Variants in ANKRD31 observed in about 807,000 individuals in gnomAD.
The protein encoded by ANKRD31 is ankyrin repeat domain-containing protein 31.
Under a neutral mutation model 186.0 loss-of-function variants are expected in ANKRD31, and 147 were observed. The observed-to-expected ratio is 0.79, with a 90% CI of 0.69 to 0.91. ANKRD31 has a LOEUF of 0.91. Ranked by LOEUF, ANKRD31 falls within the 40% of genes least tolerant of loss-of-function variation. The probability of loss-of-function intolerance (pLI) is 0.00; values close to 1 mark genes in which losing one functional copy is unlikely to be tolerated. For synonymous variants in ANKRD31, 673 were observed against 736.4 expected (o/e 0.91, Z 1.39); for missense variants, 1,986 against 2,148.8 (o/e 0.92, Z 1.50).
At chr5:75,073,703 C>T (rs1165417724) in intron 25 of ANKRD31, among the ~76,000 whole-genome samples, 3 of 152,084 alleles carry the variant, frequency 2.0e-5, no homozygotes, top group African/African-American at 7.2e-5. Flanking sequence ...GAGAAAATAC[C>T]ACATAATGTG....
chr5:75,175,391 T>A (rs1238195934), intron 10 of ANKRD31, among the ~76,000 whole-genome samples: 1 of 151,976 alleles, frequency 6.6e-6, no homozygotes, highest in Admixed American at 6.6e-5. Flanking sequence ...AAAAAAAGAA[T>A]AGACTCCTCA....
intron 5 of ANKRD31, among the ~76,000 whole-genome samples, chr5:75,202,597 T>G (rs1755891930): frequency 6.6e-6 from 1 of 152,262 alleles, no homozygotes; most frequent in Non-Finnish European, 1.5e-5. Flanking sequence ...ACAGGTGTTT[T>G]AAGGCCAAAG....
At chr5:75,160,692 C>A (rs1752514535) in intron 11 of ANKRD31, among the ~76,000 whole-genome samples, 1 of 152,112 alleles carries the variant, frequency 6.6e-6, no homozygotes, top group South Asian at 2.1e-4. Context: ...GGCTCTGTGT[C>A]CCCACTCAAA....
rs965083632 is a variant in ANKRD31 at position 75,158,114 on chromosome 5, TAGAGA to T, written c.1708-3774_1708-3770del. Among the ~76,000 whole-genome samples the T allele has an allele frequency of 7.9e-4, 120 of 152,242 alleles. 2 individuals are homozygous for T. Among genetic ancestry groups the T allele is most frequent in the African/African-American group, 2.7e-3 (114 of 41,544 alleles). ...AAGGCAATGTCCTTTGAGGAGATGC[TAGAGA>T]AGAAACTTCTGAGTTACTGGTCCCT... On this transcript the variant is annotated intron_variant, in intron 11 of 25. Coordinates refer to ENST00000506364, the MANE Select transcript of ANKRD31 (RefSeq NM_001372053.1).
Position 75,147,383 on chromosome 5 carries a change from T to A in ANKRD31, c.2028A>T (p.Glu676Asp). Residue 676 changes from glutamate (E) to aspartate (D), a missense_variant, in exon 14 of 26, where the codon GAA becomes GAT. Coordinates refer to ENST00000506364, the MANE Select transcript of ANKRD31 (RefSeq NM_001372053.1). ...CTTTTTGGTAATATTCATATACATC[T>A]TCTTTATTTATAAATAAACTCGCTT... ...GSKASLFINK[E>D]DVYEYYQKDP... 2.0e-6 allele frequency: 3 copies of A among 1,526,632 alleles called. No homozygotes were observed. The highest frequency in any genetic ancestry group is 2.8e-5 in the African/African-American group (2 of 72,428). 94.6% of individuals were successfully genotyped at this position (1,526,632 alleles called of 1,614,324 possible).
At chr5:75,192,298 A>G (rs1329053977) in intron 9 of ANKRD31, among the ~76,000 whole-genome samples, 3 of 152,132 alleles carry the variant, frequency 2.0e-5, no homozygotes, top group African/African-American at 7.2e-5. Flanking sequence ...TTTGGATGTT[A>G]TAGGAACACA....
intron 2 of ANKRD31, among the ~76,000 whole-genome samples, chr5:75,226,305 CATAGGTGGTAGCCAGGTA>C (rs1375752836): frequency 6.6e-6 from 1 of 152,128 alleles, no homozygotes; most frequent in Admixed American, 6.5e-5. Flanking sequence ...CTGTAGTGAA[CATAGGTGGTAGCCAGGTA>C]ATGGCTACAG....
intron 17 of ANKRD31, among the ~76,000 whole-genome samples, chr5:75,135,093 T>C (rs1750453212): frequency 6.6e-6 from 1 of 152,208 alleles, no homozygotes; most frequent in African/African-American, 2.4e-5. Flanking sequence ...AGCATTCCCT[T>C]TGAAAACTGG....
intron 22 of ANKRD31, among the ~76,000 whole-genome samples, chr5:75,102,942 T>C (rs894770776): frequency 5.3e-5 from 8 of 152,230 alleles, no homozygotes; most frequent in Middle Eastern, 3.4e-3. Context: ...CACTGTCCGA[T>C]AAGCCCCAGT....
chr5:75,176,734 C>T (rs546511414), intron 10 of ANKRD31, among the ~76,000 whole-genome samples: 3 of 152,204 alleles, frequency 2.0e-5, no homozygotes, highest in South Asian at 2.1e-4. Context: ...CCCGTCTGTA[C>T]GTCACCATCA....
intron 17 of ANKRD31, among the ~76,000 whole-genome samples, chr5:75,123,702 A>G (rs1021161062): frequency 1.3e-5 from 2 of 152,174 alleles, no homozygotes; most frequent in African/African-American, 2.4e-5. Flanking sequence ...TGGGAAAAAG[A>G]TATCTTTTTC....
In ANKRD31 at chr5:75,193,566, C is replaced by A. The variant is rs1162563413; in HGVS notation, c.1043G>T (p.Gly348Val). Residue 348 changes from glycine (G) to valine (V), a missense_variant, in exon 8 of 26, where the codon GGA becomes GTA. Transcript: ENST00000506364. The part of the protein sequence containing the change: ...AETLQDPNPS[G>V]LQTLAHQNIT... Reference sequence around the variant, plus strand: ...ATTTTGATGAGCCAAAGTTTGCAATCCAGATGGATTTGGGTCTTGCAGAGT... The same window carrying A: ...ATTTTGATGAGCCAAAGTTTGCAATACAGATGGATTTGGGTCTTGCAGAGT... The A allele has an allele frequency of 6.5e-7, 1 of 1,536,450 alleles. No individual in the cohort carries two copies. Among genetic ancestry groups the A allele is most frequent in the Non-Finnish European group, 8.7e-7 (1 of 1,146,516 alleles).
At chr5:75,190,112 C>T (rs748958603) in intron 9 of ANKRD31, among the ~76,000 whole-genome samples, 1 of 151,920 alleles carries the variant, frequency 6.6e-6, no homozygotes, top group Non-Finnish European at 1.5e-5. Flanking sequence ...CTCAACTTCC[C>T]AGGCTCAGGT....
In ANKRD31 at chr5:75,080,606, G is replaced by A; in HGVS notation, c.5609C>T (p.Pro1870Leu). Residue 1870 changes from proline (P) to leucine (L), a missense_variant, in exon 25 of 26, where the codon CCA becomes CTA. Physicochemically the swap from Pro to Leu is moderately conservative, Grantham distance 98. Coordinates refer to ENST00000506364, the MANE Select transcript of ANKRD31 (RefSeq NM_001372053.1). ...TGTTTTCTCAAACATTGATTTGTTT[G>A]GTTCCTGTACTGGGTCATCTAAACA... ...VACLDDPVQEPNKSMFEKTKF... is the reference protein window; with the variant it reads ...VACLDDPVQELNKSMFEKTKF... 16 of 1,524,842 alleles carry A rather than the reference G, an allele frequency of 1.0e-5. No individual in the cohort carries two copies. The highest frequency in any genetic ancestry group is 1.3e-5 in the Non-Finnish European group (15 of 1,142,546). The allele number at this position is 1,524,842 out of a possible 1,614,324, so 94.5% of individuals were successfully genotyped here.
At chr5:75,096,905 G>A (rs1746375443) in intron 22 of ANKRD31, among the ~76,000 whole-genome samples, 1 of 144,482 alleles carries the variant, frequency 6.9e-6, no homozygotes, top group Admixed American at 7.3e-5. Flanking sequence ...GTGAGAACAT[G>A]CAGCGTTCGG....
At chr5:75,077,269 C>G (rs1279044140) in intron 25 of ANKRD31, among the ~76,000 whole-genome samples, 1 of 152,090 alleles carries the variant, frequency 6.6e-6, no homozygotes, top group African/African-American at 2.4e-5. Context: ...CCGGGTCTCA[C>G]TTTGTTGTCC....
intron 23 of ANKRD31, among the ~76,000 whole-genome samples, chr5:75,086,559 C>A (rs1398462032): frequency 2.6e-5 from 4 of 152,178 alleles, no homozygotes; most frequent in African/African-American, 9.7e-5. Flanking sequence ...GGCTTTTGGA[C>A]AACATAGCCT....
chr5:75,173,742 A>C (rs1218490868), intron 10 of ANKRD31, among the ~76,000 whole-genome samples: 1 of 152,204 alleles, frequency 6.6e-6, no homozygotes, highest in Admixed American at 6.5e-5. Flanking sequence ...GAGACAAACA[A>C]ATGGAAGAAC....
chr5:75,206,013 G>C (rs1287832583), intron 5 of ANKRD31, among the ~76,000 whole-genome samples: 1 of 151,364 alleles, frequency 6.6e-6, no homozygotes, highest in Non-Finnish European at 1.5e-5. Flanking sequence ...AATGGCATCT[G>C]AGCTGCTACT....
Sources: gnomAD v4.1 joint callset for allele counts (sites outside exome capture counted in the v4.1 genomes callset) on GRCh38, gnomAD v4.1.1 for gene constraint, MANE v1.5 for transcripts, NCBI Gene and HGNC (gene_info 2026-07-23, HGNC 2026-07-21) for gene names.